The following SPATA7 variants were observed in gnomAD, a reference collection of about 807,000 sequenced individuals.
SPATA7 encodes the protein spermatogenesis-associated protein 7.
Under a neutral mutation model 51.8 loss-of-function variants are expected in SPATA7, and 43 were observed. That is an observed-to-expected ratio of 0.83 (90% CI 0.65 to 1.07). The LOEUF is 1.07. Among genes scored for constraint, SPATA7 ranks in the 50% least tolerant of loss-of-function variants. The pLI, the probability that SPATA7 is intolerant of heterozygous loss-of-function variation, is 0.00. For synonymous variants in SPATA7, 230 were observed against 252.8 expected (o/e 0.91, Z 0.86); for missense variants, 683 against 701.3 (o/e 0.97, Z 0.30).
chr14:88,455,890 A>C (rs1265719575), downstream of SPATA7, among the ~76,000 whole-genome samples: 2 of 85,642 alleles, frequency 2.3e-5, no homozygotes, highest in Non-Finnish European at 4.4e-5. Flanking sequence ...CCCACCCCAC[A>C]ACAGGCCCTG....
intron 10 of SPATA7, among the ~76,000 whole-genome samples, chr14:88,436,772 GT>G (rs1186258399): frequency 6.6e-6 from 1 of 152,014 alleles, no homozygotes; most frequent in Non-Finnish European, 1.5e-5. Flanking sequence ...TCTCTATTCT[GT>G]TCCATTGGTC....
chr14:88,434,148 A>G (rs908176174), intron 10 of SPATA7, among the ~76,000 whole-genome samples: 59 of 152,232 alleles, frequency 3.9e-4, no homozygotes, highest in Non-Finnish European at 8.1e-4. Context: ...AAAAGTACAC[A>G]TACAAAATCA....
chr14:88,424,386 A>G (rs768901074), intron 5 of SPATA7, among the ~76,000 whole-genome samples: 1 of 152,336 alleles, frequency 6.6e-6, no homozygotes, highest in Non-Finnish European at 1.5e-5. Flanking sequence ...TGCTTTCTAT[A>G]AGTTCAGAAG....
intron 5 of SPATA7, among the ~76,000 whole-genome samples, chr14:88,419,433 A>G (rs1033775611): frequency 1.4e-5 from 2 of 141,792 alleles, no homozygotes; most frequent in Non-Finnish European, 3.1e-5. Flanking sequence ...TTTTGATCTT[A>G]ATGTTTTCTT....
intron 5 of SPATA7, among the ~76,000 whole-genome samples, chr14:88,421,008 T>A (rs2076626802): frequency 6.6e-6 from 1 of 151,848 alleles, no homozygotes; most frequent in African/African-American, 2.4e-5. Flanking sequence ...TCCCAGCTAC[T>A]CGGGAGGCTG....
intron 1 of SPATA7, among the ~76,000 whole-genome samples, chr14:88,391,066 A>G (rs572661844): frequency 2.6e-5 from 4 of 152,098 alleles, no homozygotes; most frequent in South Asian, 4.1e-4. Flanking sequence ...TTAGTCATCC[A>G]TATATCTTCT....
intron 5 of SPATA7, among the ~76,000 whole-genome samples, chr14:88,423,036 T>C (rs1191925799): frequency 6.6e-6 from 1 of 152,130 alleles, no homozygotes; most frequent in Non-Finnish European, 1.5e-5. Flanking sequence ...TGCCCAATTC[T>C]CTTGCCACTT....
intron 10 of SPATA7, among the ~76,000 whole-genome samples, chr14:88,434,332 T>C (rs1212573824): frequency 6.6e-6 from 1 of 152,040 alleles, no homozygotes; most frequent in East Asian, 1.9e-4. Flanking sequence ...GGATTAAAAA[T>C]GATGTTGAAG....
intron 4 of SPATA7, chr14:88,465,638 ATTC>A (rs2077353202): frequency 6.6e-6 from 1 of 152,208 alleles, no homozygotes; most frequent in East Asian, 1.9e-4. Context: ...CATTTTGATA[ATTC>A]TTATTAAAAG....
intron 4 of SPATA7, among the ~76,000 whole-genome samples, chr14:88,461,382 G>T (rs1595322215): frequency 6.6e-6 from 1 of 152,138 alleles, no homozygotes; most frequent in Admixed American, 6.5e-5. Flanking sequence ...TGGCTGCTTT[G>T]TTTACCTACT....
intron 1 of SPATA7, among the ~76,000 whole-genome samples, chr14:88,389,549 A>G (rs1481371640): frequency 6.6e-6 from 1 of 152,226 alleles, no homozygotes; most frequent in Non-Finnish European, 1.5e-5. Context: ...TAGGAATATT[A>G]GAAACCAATG....
chr14:88,467,977 C>T, intron 4 of SPATA7: 1 of 952,540 alleles, frequency 1.0e-6, no homozygotes, highest in Non-Finnish European at 1.6e-6. Flanking sequence ...CTGTGCTTCG[C>T]ACGTTTCCTT....
At chr14:88,434,449 G>C (rs1292310795) in intron 10 of SPATA7, among the ~76,000 whole-genome samples, 2 of 152,148 alleles carry the variant, frequency 1.3e-5, no homozygotes. Flanking sequence ...CACTTTGGGA[G>C]GCTAAGGTGG....
chr14:88,415,276 G>T, intron 4 of SPATA7: 1 of 339,152 alleles, frequency 2.9e-6, no homozygotes, highest in Non-Finnish European at 6.2e-6. Context: ...GGTAAGTCTT[G>T]TGGAATTGAA....
In SPATA7 at chr14:88,431,150, T is replaced by A. The variant is rs1450147596; in HGVS notation, c.1029-22T>A. The stretch of plus-strand genomic sequence containing the variant: ...TATGCCAACCACTGTTTTGCTCAAC[T>A]ACTTTAACTTCCTCTTTCTAGGGCA... On this transcript the variant is annotated intron_variant, in intron 8 of 11. Transcript: ENST00000393545. The A allele has an allele frequency of 3.1e-6, 5 of 1,612,204 alleles. No individual in the cohort carries two copies. The East Asian group carries it at 1.1e-4, about 36-fold the overall frequency.
At chr14:88,429,537 C>A (rs112061965) in intron 8 of SPATA7, 74 bp downstream of exon 8, 1 of 939,854 alleles carries the variant, frequency 1.1e-6, no homozygotes, top group Non-Finnish European at 1.7e-6. Context: ...ATAGTATTTG[C>A]CGCATAAGTA....
Position 88,437,562 on chromosome 14 carries a change from G to A in SPATA7, c.1180G>A (p.Glu394Lys), listed in dbSNP as rs199649645. The change falls in exon 11 of 12, where the codon GAG becomes AAG. Residue 394 changes from glutamate (E) to lysine (K), a missense_variant. Physicochemically the swap from Glu to Lys is moderately conservative, Grantham distance 56. Transcript: ENST00000393545. ...FSNRFLERLF[E>K]RHIKQNKHLE... ...TTGTAGGTTTTTAGAACGACTGTTC[G>A]AGCGACATATAAAACAAAATAAACA... The A allele has an allele frequency of 1.7e-5, 28 of 1,610,816 alleles. 1 individual carries two copies. In the Admixed American group the frequency reaches 2.2e-4, roughly 12 times the overall value.
chr14:88,452,273 C>A (rs2077255946), intron 3 of SPATA7, among the ~76,000 whole-genome samples: 2 of 152,194 alleles, frequency 1.3e-5, no homozygotes, highest in Admixed American at 6.5e-5. Context: ...AGATGTGATT[C>A]ATCTTCAGGT....
chr14:88,385,759 C>G lies in SPATA7; in HGVS notation c.-60C>G. The G allele has an allele frequency of 7.1e-6, 11 of 1,539,982 alleles. No individual in the cohort carries two copies. Among genetic ancestry groups the G allele is most frequent in the Non-Finnish European group, 6.2e-6 (7 of 1,125,308 alleles). On this transcript the variant is annotated 5_prime_UTR_variant, in exon 1 of 12. Coordinates refer to ENST00000393545, the MANE Select transcript of SPATA7 (RefSeq NM_018418.5). ...CCTCCACTGCCGGGGCTGGGCCCGG[C>G]CGCGGGAAGGACCGAAGGGGATACA... is the stretch of plus-strand genomic sequence containing the variant.
Sources: allele counts gnomAD v4.1 joint callset (sites outside exome capture counted in the v4.1 genomes callset), GRCh38; gene constraint gnomAD v4.1.1; transcripts MANE v1.5; gene names NCBI Gene and HGNC (gene_info 2026-07-23, HGNC 2026-07-21).